Variants in TMEM38B observed in about 807,000 individuals in gnomAD.
TMEM38B encodes the protein trimeric intracellular cation channel type B.
TMEM38B carries 24 observed loss-of-function variants against 28.7 expected under a neutral mutation model. The ratio of observed to expected loss-of-function variants is 0.84; its 90% CI spans 0.61 to 1.18. The LOEUF (loss-of-function observed/expected upper bound fraction) is 1.18. TMEM38B is among the 50% of genes most tolerant of loss of function. TMEM38B has a pLI of 0.00. For missense variants in TMEM38B, 380 were observed against 350.9 expected (o/e 1.08, Z -0.66); for synonymous variants, 131 against 127.7 (o/e 1.03, Z -0.17).
intron 4 of TMEM38B, among the ~76,000 whole-genome samples, chr9:105,743,429 T>C (rs1240985730): frequency 1.3e-5 from 2 of 152,204 alleles, no homozygotes; most frequent in Non-Finnish European, 2.9e-5. Flanking sequence ...TGTCCTGTTT[T>C]GCAGTGTGGC....
intron 5 of TMEM38B, chr9:105,749,427 C>T (rs955482131): frequency 5.6e-6 from 1 of 179,884 alleles, no homozygotes; most frequent in Non-Finnish European, 1.2e-5. Context: ...ATAAAACCAT[C>T]AGATTTCGTG....
chr9:105,754,955 C>A (rs1025170544), intron 5 of TMEM38B, among the ~76,000 whole-genome samples: 3 of 152,118 alleles, frequency 2.0e-5, no homozygotes, highest in Non-Finnish European at 4.4e-5. Context: ...ATACAAACAA[C>A]CATCTATATA....
At chr9:105,696,856 G>C (rs1386768110) in intron 1 of TMEM38B, among the ~76,000 whole-genome samples, 3 of 152,186 alleles carry the variant, frequency 2.0e-5, no homozygotes, top group Non-Finnish European at 1.5e-5. Flanking sequence ...TTTTACACAA[G>C]GAACAGTAGA....
At chr9:105,765,387 G>A (rs1826336204) in intron 5 of TMEM38B, among the ~76,000 whole-genome samples, 1 of 152,142 alleles carries the variant, frequency 6.6e-6, no homozygotes, top group Non-Finnish European at 1.5e-5. Context: ...ATTCAGTCTA[G>A]GAGTACATTT....
intron 5 of TMEM38B, among the ~76,000 whole-genome samples, chr9:105,764,461 A>G (rs960585146): frequency 6.6e-6 from 1 of 152,228 alleles, no homozygotes; most frequent in Admixed American, 6.5e-5. Context: ...GAGCCAAATC[A>G]TGAGTGAACT....
At chr9:105,709,192 A>G (rs930711402) in intron 2 of TMEM38B, among the ~76,000 whole-genome samples, 5 of 152,182 alleles carry the variant, frequency 3.3e-5, no homozygotes, top group Admixed American at 3.3e-4. Context: ...TATCTAATGC[A>G]AAGTTAAATA....
intron 1 of TMEM38B, among the ~76,000 whole-genome samples, chr9:105,697,843 G>A (rs1218187450): frequency 6.6e-6 from 1 of 151,980 alleles, no homozygotes; most frequent in Non-Finnish European, 1.5e-5. Context: ...TCAGGCCTAA[G>A]GTTATAAAAA....
intron 1 of TMEM38B, among the ~76,000 whole-genome samples, chr9:105,697,989 CAAT>C (rs144427439): frequency 0.023 from 3,509 of 152,192 alleles, 131 homozygotes; most frequent in African/African-American, 0.081. Context: ...AGTTGGAACT[CAAT>C]GATCTCAGCA....
At chr9:105,736,732 C>T (rs1013816622) in intron 4 of TMEM38B, among the ~76,000 whole-genome samples, 1 of 152,318 alleles carries the variant, frequency 6.6e-6, no homozygotes, top group African/African-American at 2.4e-5. Flanking sequence ...ACAATCACCT[C>T]TTCCAAACTT....
chr9:105,709,465 A>G (rs1166317452), intron 2 of TMEM38B, among the ~76,000 whole-genome samples: 1 of 152,228 alleles, frequency 6.6e-6, no homozygotes, highest in Non-Finnish European at 1.5e-5. Flanking sequence ...TATTGTAACG[A>G]ATAATACATC....
intron 1 of TMEM38B, among the ~76,000 whole-genome samples, chr9:105,696,886 G>A (rs143177668): frequency 1.6e-4 from 24 of 152,282 alleles, no homozygotes; most frequent in African/African-American, 5.3e-4. Context: ...AATCTTAGAG[G>A]CAATCCCAGA....
At chr9:105,730,960 T>G (rs931352938) in intron 4 of TMEM38B, among the ~76,000 whole-genome samples, 3 of 152,190 alleles carry the variant, frequency 2.0e-5, no homozygotes, top group Non-Finnish European at 4.4e-5. Flanking sequence ...CTCTCTTTTC[T>G]TCTTTATTAG....
At chr9:105,741,279 G>C (rs532288897) in intron 4 of TMEM38B, among the ~76,000 whole-genome samples, 2 of 152,208 alleles carry the variant, frequency 1.3e-5, no homozygotes, top group Non-Finnish European at 2.9e-5. Flanking sequence ...GAAAGTAATA[G>C]AGATTTTGGT....
intron 5 of TMEM38B, among the ~76,000 whole-genome samples, chr9:105,762,279 T>C (rs1322474432): frequency 6.6e-6 from 1 of 152,022 alleles, no homozygotes; most frequent in Non-Finnish European, 1.5e-5. Context: ...TATTATACTT[T>C]AAGTTTTAGG....
At chr9:105,757,780 C>T (rs539002897) in intron 5 of TMEM38B, among the ~76,000 whole-genome samples, 1 of 152,024 alleles carries the variant, frequency 6.6e-6, no homozygotes, top group African/African-American at 2.4e-5. Flanking sequence ...TTTCAGTGGA[C>T]TGGTAAGGGA....
At chr9:105,747,265 G>T (rs961157226) in intron 4 of TMEM38B, among the ~76,000 whole-genome samples, 12 of 152,200 alleles carry the variant, frequency 7.9e-5, no homozygotes, top group African/African-American at 1.4e-4. Context: ...CCTGTTATTG[G>T]TCTATTCAGA....
chr9:105,711,138 T>C (rs1213646028), intron 2 of TMEM38B, among the ~76,000 whole-genome samples: 1 of 152,224 alleles, frequency 6.6e-6, no homozygotes, highest in Non-Finnish European at 1.5e-5. Flanking sequence ...TAAATAAATC[T>C]TTGTATTAAA....
chr9:105,746,766 T>C (rs764663118), intron 4 of TMEM38B, among the ~76,000 whole-genome samples: 1 of 152,212 alleles, frequency 6.6e-6, no homozygotes, highest in Non-Finnish European at 1.5e-5. Flanking sequence ...GTACCTAATT[T>C]ATTGAAAGTT....
chr9:105,732,948 A>T (rs1460737400), intron 4 of TMEM38B, among the ~76,000 whole-genome samples: 1 of 152,124 alleles, frequency 6.6e-6, no homozygotes, highest in Non-Finnish European at 1.5e-5. Flanking sequence ...TGAGCATGGA[A>T]TGTTCAAAGA....
Sources: allele counts gnomAD v4.1 joint callset (sites outside exome capture counted in the v4.1 genomes callset), GRCh38; gene constraint gnomAD v4.1.1; transcripts MANE v1.5; gene names NCBI Gene and HGNC (gene_info 2026-07-23, HGNC 2026-07-21).